The following HCN1 variants were observed in gnomAD, a reference collection of about 807,000 sequenced individuals.
HCN1 encodes hyperpolarization activated cyclic nucleotide gated potassium channel 1, also known as potassium/sodium hyperpolarization-activated cyclic nucleotide-gated channel 1.
A neutral mutation model predicts 78.9 loss-of-function variants in HCN1; 13 were observed. The observed-to-expected ratio is 0.16, with a 90% CI of 0.11 to 0.26. HCN1 has a LOEUF of 0.26. Among genes scored for constraint, HCN1 ranks in the 10% least tolerant of loss-of-function variants. HCN1 has a pLI of 1.00. For synonymous variants in HCN1, 552 were observed against 455.5 expected, an observed-to-expected ratio of 1.21 and a Z score of -2.70; for missense variants, 810 against 1,154.3, an observed-to-expected ratio of 0.70 and a Z score of 4.32.
At chr5:45,487,155 C>T (rs1741785810) in intron 2 of HCN1, among the ~76,000 whole-genome samples, 1 of 152,046 alleles carries the variant, frequency 6.6e-6, no homozygotes, top group Admixed American at 6.6e-5. Flanking sequence ...ACAGAAATGT[C>T]AGTATTTTAA....
chr5:45,295,359 G>A (rs971525129), intron 6 of HCN1, among the ~76,000 whole-genome samples: 5 of 151,924 alleles, frequency 3.3e-5, no homozygotes, highest in South Asian at 2.1e-4. Flanking sequence ...AAGTATGAGT[G>A]GCATGGTACT....
chr5:45,375,882 TTA>T (rs1210977968), intron 4 of HCN1, among the ~76,000 whole-genome samples: 1 of 122,770 alleles, frequency 8.1e-6, no homozygotes, highest in Admixed American at 9.4e-5. Flanking sequence ...ATATTTTATC[TTA>T]TATATTATAT....
At chr5:45,263,824 G>A (rs533734330) in intron 7 of HCN1, among the ~76,000 whole-genome samples, 9 of 151,802 alleles carry the variant, frequency 5.9e-5, no homozygotes, top group East Asian at 1.9e-4. Flanking sequence ...ACGGAGTCTC[G>A]CTCTGATGCC....
chr5:45,362,396 AAT>A (rs1275418613), intron 4 of HCN1, among the ~76,000 whole-genome samples: 7 of 152,240 alleles, frequency 4.6e-5, no homozygotes, highest in Admixed American at 3.3e-4. Context: ...TTCAAAAAGA[AAT>A]AGAAGCTTTT....
At chr5:45,415,328 A>G (rs1740098651) in intron 3 of HCN1, among the ~76,000 whole-genome samples, 1 of 152,018 alleles carries the variant, frequency 6.6e-6, no homozygotes, top group Non-Finnish European at 1.5e-5. Flanking sequence ...ACGTCAAATC[A>G]TGCCACTCCC....
At chr5:45,313,199 G>A (rs1010674488) in intron 5 of HCN1, among the ~76,000 whole-genome samples, 1 of 152,152 alleles carries the variant, frequency 6.6e-6, no homozygotes, top group African/African-American at 2.4e-5. Flanking sequence ...AGCAACATTT[G>A]CTGTTCACCA....
At chr5:45,650,641 T>C (rs984157097) in intron 1 of HCN1, among the ~76,000 whole-genome samples, 2 of 152,096 alleles carry the variant, frequency 1.3e-5, no homozygotes, top group African/African-American at 4.8e-5. Flanking sequence ...TAATATTAAC[T>C]ACTAATAAAA....
At chr5:45,500,683 G>C (rs898452981) in intron 2 of HCN1, among the ~76,000 whole-genome samples, 7 of 152,100 alleles carry the variant, frequency 4.6e-5, no homozygotes, top group Non-Finnish European at 8.8e-5. Flanking sequence ...TTATCCGTCA[G>C]CATGGTGATA....
Position 45,260,586 on chromosome 5 carries a change from G to A in HCN1, c.*1335C>T, listed in dbSNP as rs1333370802. The A allele has an allele frequency of 6.6e-6, 1 of 152,490 alleles. No individual in the cohort carries two copies. The highest frequency in any genetic ancestry group is 2.4e-5 in the African/African-American group (1 of 41,416). The allele number at this position is 152,490 out of a possible 1,614,324, so 9.4% of individuals were successfully genotyped here. On this transcript the variant is annotated 3_prime_UTR_variant, in exon 8 of 8. Transcript: ENST00000303230. ...TTACAATATACATAGAGCAAAATGT[G>A]TGTTCCCAAACAGACGTGATGCTGT...
At chr5:45,494,756 C>T (rs1426891213) in intron 2 of HCN1, among the ~76,000 whole-genome samples, 2 of 152,122 alleles carry the variant, frequency 1.3e-5, no homozygotes, top group African/African-American at 4.8e-5. Flanking sequence ...GTCTTTACTC[C>T]ATCTTGAATT....
chr5:45,534,044 G>A (rs1742914526), intron 2 of HCN1, among the ~76,000 whole-genome samples: 2 of 152,048 alleles, frequency 1.3e-5, no homozygotes, highest in Non-Finnish European at 2.9e-5. Flanking sequence ...GTTCTACTGA[G>A]CATAGATTTC....
chr5:45,543,977 G>C (rs1743156298), intron 2 of HCN1, among the ~76,000 whole-genome samples: 1 of 151,874 alleles, frequency 6.6e-6, no homozygotes, highest in African/African-American at 2.4e-5. Flanking sequence ...AAGAGAAGAT[G>C]GGTACAAAAA....
chr5:45,476,333 C>T (rs2111663424), intron 2 of HCN1, among the ~76,000 whole-genome samples: 1 of 152,154 alleles, frequency 6.6e-6, no homozygotes, highest in Non-Finnish European at 1.5e-5. Context: ...GTTTAAGCCA[C>T]CCCAGTCTAT....
At chr5:45,427,668 T>C (rs1261105907) in intron 3 of HCN1, among the ~76,000 whole-genome samples, 5 of 152,132 alleles carry the variant, frequency 3.3e-5, no homozygotes, top group African/African-American at 4.8e-5. Context: ...AAATGTAATA[T>C]TCCTAAGATA....
At chr5:45,620,699 C>T (rs887327245) in intron 2 of HCN1, among the ~76,000 whole-genome samples, 1 of 151,872 alleles carries the variant, frequency 6.6e-6, no homozygotes, top group African/African-American at 2.4e-5. Context: ...CAATAGCCTC[C>T]CCCTCCACTT....
At chr5:45,486,404 C>T (rs1021754824) in intron 2 of HCN1, among the ~76,000 whole-genome samples, 7 of 152,074 alleles carry the variant, frequency 4.6e-5, no homozygotes, top group African/African-American at 1.7e-4. Context: ...TTACAAAAAC[C>T]TTGTTTTTTA....
At chr5:45,379,629 G>T (rs1747763790) in intron 4 of HCN1, among the ~76,000 whole-genome samples, 1 of 151,982 alleles carries the variant, frequency 6.6e-6, no homozygotes, top group South Asian at 2.1e-4. Flanking sequence ...TTCTGCTTAA[G>T]AATACAAATA....
rs1364882473 is a variant in HCN1 at position 45,287,181 on chromosome 5, A to G, written c.1618+16418T>C. Among the ~76,000 whole-genome samples the G allele has an allele frequency of 3.3e-5, 5 of 151,824 alleles. No individual in the cohort carries two copies. The Admixed American group carries it at 3.3e-4, about 10-fold the overall frequency. On this transcript the variant is annotated intron_variant, in intron 6 of 7. Coordinates refer to ENST00000303230, the MANE Select transcript of HCN1 (RefSeq NM_021072.4). ...TTATTTTCTGAAATGTTATAGAGTAACATTATTGGTAACAATGTTCAGAAA... is the reference window on the plus strand; with the variant it reads ...TTATTTTCTGAAATGTTATAGAGTAGCATTATTGGTAACAATGTTCAGAAA...
chr5:45,484,282 A>G (rs1451178017), intron 2 of HCN1, among the ~76,000 whole-genome samples: 1 of 152,106 alleles, frequency 6.6e-6, no homozygotes, highest in African/African-American at 2.4e-5. Context: ...AAAATACAAA[A>G]AAATTAGCCA....
Sources: gnomAD v4.1 joint callset for allele counts (sites outside exome capture counted in the v4.1 genomes callset) on GRCh38, gnomAD v4.1.1 for gene constraint, MANE v1.5 for transcripts, NCBI Gene and HGNC (gene_info 2026-07-23, HGNC 2026-07-21) for gene names.